Variants in DCDC1 observed in about 807,000 individuals in gnomAD.
DCDC1 encodes doublecortin domain containing 1.
DCDC1 carries 200 observed loss-of-function variants against 178.3 expected under a neutral mutation model. The ratio of observed to expected loss-of-function variants is 1.12; its 90% confidence interval spans 1.00 to 1.26. The LOEUF is 1.26. DCDC1 is among the 50% of genes most tolerant of loss of function. DCDC1 has a pLI of 0.00. For missense variants in DCDC1, 1,983 were observed against 1,749.2 expected, an observed-to-expected ratio of 1.13 and a Z score of -2.38; for synonymous variants, 690 against 604.8, an observed-to-expected ratio of 1.14 and a Z score of -2.07.
intron 9 of DCDC1, among the ~76,000 whole-genome samples, chr11:31,184,375 T>A (rs2136305843): frequency 6.6e-6 from 1 of 152,286 alleles, no homozygotes; most frequent in East Asian, 1.9e-4. Flanking sequence ...GATATAGGCA[T>A]GGGCAAAGAC....
At position 31,029,147 on chromosome 11, in the gene DCDC1, G is replaced by A. The variant is rs1225938054; in HGVS notation, c.2591+35322C>T. Among the ~76,000 whole-genome samples, 6 of 151,588 alleles carry A rather than the reference G, an allele frequency of 4.0e-5. No homozygotes were observed. The South Asian group carries it at 8.3e-4, about 21-fold the overall frequency. On this transcript the variant is annotated intron_variant, in intron 20 of 38. Transcript: ENST00000684477. ...GGAATAAAATTTATCAAATCTCTCC[G>A]TCTGCCAACCCAAAGATCAACACAA...
chr11:31,005,724 C>T (rs1951798332), intron 20 of DCDC1, among the ~76,000 whole-genome samples: 1 of 152,074 alleles, frequency 6.6e-6, no homozygotes, highest in South Asian at 2.1e-4. Context: ...CTTCAGCCTT[C>T]ACCATCAGCC....
intron 21 of DCDC1, among the ~76,000 whole-genome samples, chr11:30,948,585 T>C (rs893314178): frequency 2.0e-5 from 3 of 152,072 alleles, no homozygotes; most frequent in Non-Finnish European, 4.4e-5. Context: ...GGAGGCATCA[T>C]GCTACCTGAC....
chr11:30,912,919 C>T (rs1333755516), intron 27 of DCDC1, among the ~76,000 whole-genome samples: 1 of 152,182 alleles, frequency 6.6e-6, no homozygotes, highest in African/African-American at 2.4e-5. Flanking sequence ...AGTTCTACTA[C>T]ATAGTGTAAC....
chr11:31,240,420 T>C (rs1976973605), intron 9 of DCDC1, among the ~76,000 whole-genome samples: 1 of 152,020 alleles, frequency 6.6e-6, no homozygotes, highest in Non-Finnish European at 1.5e-5. Flanking sequence ...CTTGGGAAGA[T>C]GTTTTTTGCT....
chr11:31,089,022 A>G (rs574717424), intron 17 of DCDC1, among the ~76,000 whole-genome samples: 3 of 152,076 alleles, frequency 2.0e-5, no homozygotes, highest in Non-Finnish European at 2.9e-5. Flanking sequence ...TATATTACCT[A>G]TATAGTCACC....
At position 31,234,572 on chromosome 11, in the gene DCDC1, A is replaced by G. The variant is rs571215542; in HGVS notation, c.1221+6878T>C. On this transcript the variant is annotated intron_variant, in intron 9 of 38. Transcript: ENST00000684477. ...GATCCATTTGAATAGTAAATAGAAAATACTAGTCAATCCTTAAGAGAGTTG... is the reference window on the plus strand; with the variant it reads ...GATCCATTTGAATAGTAAATAGAAAGTACTAGTCAATCCTTAAGAGAGTTG... Among the ~76,000 whole-genome samples, 11 of 152,328 alleles carry G rather than the reference A, an allele frequency of 7.2e-5. No homozygotes were observed. The East Asian group carries it at 2.1e-3, about 29-fold the overall frequency.
intron 21 of DCDC1, among the ~76,000 whole-genome samples, chr11:30,934,180 A>C (rs1947115336): frequency 6.6e-6 from 1 of 152,172 alleles, no homozygotes; most frequent in South Asian, 2.1e-4. Context: ...TGCTGACTCA[A>C]ACCCAGTAGG....
chr11:30,956,279 T>C lies in DCDC1; in HGVS notation c.2592-3711A>G, dbSNP rs573142610. 3.9e-5 allele frequency among the ~76,000 whole-genome samples: 6 copies of C among 152,244 alleles called. No homozygotes were observed. In the South Asian group the frequency reaches 1.2e-3, roughly 32 times the overall value. On this transcript the variant is annotated intron_variant, in intron 20 of 38. Coordinates refer to ENST00000684477, the MANE Select transcript of DCDC1 (RefSeq NM_001387274.1). ...TCAAAGTCTTGGCCTCAGGTAATTCTCCCACCTTGGCCTCCCAAAGTGCAA... is the reference window on the plus strand; with the variant it reads ...TCAAAGTCTTGGCCTCAGGTAATTCCCCCACCTTGGCCTCCCAAAGTGCAA...
intron 9 of DCDC1, among the ~76,000 whole-genome samples, chr11:31,212,948 T>C (rs945998706): frequency 6.6e-6 from 1 of 152,102 alleles, no homozygotes; most frequent in Non-Finnish European, 1.5e-5. Flanking sequence ...ACCTGTGTAC[T>C]ACGTGAAGAA....
intron 36 of DCDC1, among the ~76,000 whole-genome samples, chr11:30,886,941 A>G (rs1943227375): frequency 6.6e-6 from 1 of 152,174 alleles, no homozygotes; most frequent in Non-Finnish European, 1.5e-5. Context: ...TATAGAGATC[A>G]TGTTTTCTAC....
chr11:30,897,423 C>T (rs1249626227), intron 34 of DCDC1, among the ~76,000 whole-genome samples: 1 of 151,884 alleles, frequency 6.6e-6, no homozygotes, highest in Admixed American at 6.6e-5. Context: ...CCCCTCTCTA[C>T]TAAAAGTATG....
chr11:31,282,996 T>C (rs1174274598), intron 7 of DCDC1, among the ~76,000 whole-genome samples: 1 of 152,196 alleles, frequency 6.6e-6, no homozygotes, highest in Non-Finnish European at 1.5e-5. Context: ...TCCTCCCCTC[T>C]GGTTGCTTTT....
At chr11:31,162,749 G>A (rs947188622) in intron 9 of DCDC1, among the ~76,000 whole-genome samples, 5 of 152,038 alleles carry the variant, frequency 3.3e-5, no homozygotes, top group African/African-American at 2.4e-5. Flanking sequence ...TACAACTTTT[G>A]TTCCAAGGAT....
chr11:31,293,632 C>CCCT (rs1382114031), intron 6 of DCDC1, among the ~76,000 whole-genome samples: 1 of 152,146 alleles, frequency 6.6e-6, no homozygotes, highest in African/African-American at 2.4e-5. Flanking sequence ...TCCTTAAATT[C>CCCT]CATGAAAAAC....
chr11:30,958,451 G>A (rs1864210038), intron 20 of DCDC1, among the ~76,000 whole-genome samples: 1 of 152,122 alleles, frequency 6.6e-6, no homozygotes, highest in South Asian at 2.1e-4. Flanking sequence ...ATGTGCAATA[G>A]TGAACCACAA....
intron 9 of DCDC1, among the ~76,000 whole-genome samples, chr11:31,205,640 C>G (rs1971777322): frequency 6.6e-6 from 1 of 152,146 alleles, no homozygotes; most frequent in South Asian, 2.1e-4. Flanking sequence ...ATTTTAAAAT[C>G]TATTAATAAT....
At chr11:31,151,486 A>G (rs187194552) in intron 9 of DCDC1, among the ~76,000 whole-genome samples, 28 of 152,336 alleles carry the variant, frequency 1.8e-4, no homozygotes, top group East Asian at 1.5e-3. Context: ...GCAATTATTA[A>G]TGAAACTTAC....
chr11:31,274,408 G>A (rs1945818636), intron 7 of DCDC1, among the ~76,000 whole-genome samples: 1 of 152,110 alleles, frequency 6.6e-6, no homozygotes, highest in Admixed American at 6.5e-5. Context: ...GCTGGATAAA[G>A]ACATTTATAA....
Sources: gnomAD v4.1 joint callset for allele counts (sites outside exome capture counted in the v4.1 genomes callset) on GRCh38, gnomAD v4.1.1 for gene constraint, MANE v1.5 for transcripts, NCBI Gene and HGNC (gene_info 2026-07-23, HGNC 2026-07-21) for gene names.